Variants in RAD18 observed in about 807,000 individuals in gnomAD.
RAD18 encodes the protein RAD18 E3 ubiquitin protein ligase, also known as E3 ubiquitin-protein ligase RAD18.
In RAD18, 47 loss-of-function variants were observed where a neutral mutation model predicts 60.4. That is an observed-to-expected ratio of 0.78 (90% CI 0.62 to 0.99). The LOEUF is 0.99. RAD18 is among the 50% of genes least tolerant of loss of function. RAD18 has a pLI of 0.00. For missense variants in RAD18, 640 were observed against 593.3 expected (o/e 1.08, Z -0.82); for synonymous variants, 225 against 195.5 (o/e 1.15, Z -1.26).
intron 2 of RAD18, among the ~76,000 whole-genome samples, chr3:8,953,155 T>C (rs899703145): frequency 6.6e-6 from 1 of 150,776 alleles, no homozygotes; most frequent in South Asian, 2.1e-4. Flanking sequence ...CTATAATGTA[T>C]ACTTATATAA....
chr3:8,928,822 T>C (rs936699622), intron 7 of RAD18, among the ~76,000 whole-genome samples: 3 of 151,526 alleles, frequency 2.0e-5, no homozygotes, highest in Non-Finnish European at 2.9e-5. Flanking sequence ...TTATGCAATA[T>C]TCACCAGGAA....
chr3:8,932,889 A>T (rs1375108487), intron 7 of RAD18, among the ~76,000 whole-genome samples: 4 of 152,162 alleles, frequency 2.6e-5, no homozygotes, highest in Non-Finnish European at 1.5e-5. Flanking sequence ...CAAGGTCAGG[A>T]ATTCAAGACT....
rs1939429791 is a variant in RAD18 at position 8,879,959 on chromosome 3, C to G, written c.*1398G>C. On this transcript the variant is annotated 3_prime_UTR_variant, in exon 13 of 13. Transcript: ENST00000264926. Reference sequence around the variant, plus strand: ...TTCATTTTGACATAATTTCTGACAACTCAGTGACATAAATATATCCATGTG... The same window carrying G: ...TTCATTTTGACATAATTTCTGACAAGTCAGTGACATAAATATATCCATGTG... 6.6e-6 allele frequency: 1 copy of G among 152,194 alleles called. No individual in the cohort carries two copies. The highest frequency in any genetic ancestry group is 1.5e-5 in the Non-Finnish European group (1 of 68,034). The allele number at this position is 152,194 out of a possible 1,614,324, so 9.4% of individuals were successfully genotyped here.
chr3:8,909,518 T>TAA (rs35804708), intron 9 of RAD18, among the ~76,000 whole-genome samples: 12 of 147,856 alleles, frequency 8.1e-5, no homozygotes, highest in Admixed American at 1.3e-4. Context: ...CATGGGCAGA[T>TAA]AAAAAAAAAA....
At position 8,935,875 on chromosome 3, in the gene RAD18, T is replaced by A; in HGVS notation, c.885A>T (p.Lys295Asn). Residue 295 changes from lysine (K) to asparagine (N), a missense_variant, in exon 7 of 13, where the codon AAA becomes AAT. Physicochemically the swap from Lys to Asn is moderately conservative, Grantham distance 94 (BLOSUM62 0). Transcript: ENST00000264926. The part of the protein sequence containing the change: ...YNAQCDALHP[K>N]SAAEIVREIE... ...CTCACTGTTTTATTACTTTACCTGA[T>A]TTAGGATGCAAAGCATCGCATTGGG... The A allele has an allele frequency of 6.3e-7, 1 of 1,576,986 alleles. No homozygotes were observed. The highest frequency in any genetic ancestry group is 1.2e-5 in the South Asian group (1 of 84,012).
At chr3:8,906,001 C>G (rs1395329521) in intron 9 of RAD18, among the ~76,000 whole-genome samples, 1 of 152,146 alleles carries the variant, frequency 6.6e-6, no homozygotes, top group Non-Finnish European at 1.5e-5. Context: ...AGGCTAACCT[C>G]TAACTTATGC....
intron 4 of RAD18, among the ~76,000 whole-genome samples, chr3:8,944,570 T>C (rs754932011): frequency 4.3e-5 from 5 of 115,708 alleles, no homozygotes; most frequent in Non-Finnish European, 8.4e-5. Context: ...GAGGGAGGAA[T>C]AGACGGGGGA....
At chr3:8,910,307 T>C (rs1299214877) in intron 9 of RAD18, among the ~76,000 whole-genome samples, 4 of 152,174 alleles carry the variant, frequency 2.6e-5, no homozygotes, top group Admixed American at 1.3e-4. Context: ...TTATTAGTTA[T>C]AAGAAAAACA....
At chr3:8,936,195 T>C in intron 6 of RAD18, 140 bp from the exon 7 acceptor site, 2 of 859,692 alleles carry the variant, frequency 2.3e-6, no homozygotes, top group Non-Finnish European at 3.4e-6. Flanking sequence ...GAGAGAAAAA[T>C]CAAGTTTGTG....
chr3:8,891,075 AATATAT>A (rs71049753), intron 11 of RAD18, among the ~76,000 whole-genome samples: 4 of 25,974 alleles, frequency 1.5e-4, no homozygotes, highest in African/African-American at 2.2e-4. Flanking sequence ...ATATATATAA[AATATAT>A]ATATATATAT....
At chr3:8,921,032 A>T (rs1940309881) in intron 7 of RAD18, among the ~76,000 whole-genome samples, 1 of 152,224 alleles carries the variant, frequency 6.6e-6, no homozygotes, top group African/African-American at 2.4e-5. Context: ...TAATACAAGG[A>T]CATATTTAGG....
At chr3:8,913,528 A>G in intron 8 of RAD18, 116 bp downstream of exon 8, 1 of 687,906 alleles carries the variant, frequency 1.5e-6, no homozygotes. Context: ...ATCATAATAC[A>G]CTAAGTGGAA....
At chr3:8,893,830 T>TC in intron 11 of RAD18, among the ~76,000 whole-genome samples, 1 of 151,680 alleles carries the variant, frequency 6.6e-6, no homozygotes, top group South Asian at 2.1e-4. Flanking sequence ...TGAGTAGTTA[T>TC]AGGTGCATAC....
chr3:8,949,454 G>C (rs1940893830), intron 2 of RAD18, among the ~76,000 whole-genome samples: 1 of 152,122 alleles, frequency 6.6e-6, no homozygotes, highest in Non-Finnish European at 1.5e-5. Flanking sequence ...GAAAAACAAA[G>C]AAACATATTA....
At chr3:8,923,092 C>T (rs550487) in intron 7 of RAD18, among the ~76,000 whole-genome samples, 3 of 151,462 alleles carry the variant, frequency 2.0e-5, no homozygotes, top group African/African-American at 4.9e-5. Flanking sequence ...GAGAGAAGAA[C>T]GCTTCAGATG....
chr3:8,888,060 G>A (rs143813292), intron 12 of RAD18, among the ~76,000 whole-genome samples: 3 of 152,306 alleles, frequency 2.0e-5, no homozygotes, highest in Non-Finnish European at 4.4e-5. Context: ...AAACTAGCCA[G>A]TCCTGCACTG....
chr3:8,920,671 G>C (rs948928922), intron 7 of RAD18, among the ~76,000 whole-genome samples: 4 of 148,810 alleles, frequency 2.7e-5, no homozygotes, highest in African/African-American at 9.8e-5. Context: ...CACTTATATA[G>C]TATTCTGGCC....
chr3:8,923,179 G>A (rs1015077986), intron 7 of RAD18, among the ~76,000 whole-genome samples: 9 of 152,118 alleles, frequency 5.9e-5, no homozygotes, highest in Non-Finnish European at 8.8e-5. Flanking sequence ...AAGATTAGAC[G>A]AATGGCTAAC....
At chr3:8,931,257 C>G (rs1940547275) in intron 7 of RAD18, among the ~76,000 whole-genome samples, 4 of 151,988 alleles carry the variant, frequency 2.6e-5, no homozygotes, top group Admixed American at 2.6e-4. Context: ...TAAAACTACT[C>G]ACAATAGCAC....
Sources: allele counts gnomAD v4.1 joint callset (sites outside exome capture counted in the v4.1 genomes callset), GRCh38; gene constraint gnomAD v4.1.1; transcripts MANE v1.5; gene names NCBI Gene and HGNC (gene_info 2026-07-23, HGNC 2026-07-21).